The following HHAT variants were observed in gnomAD, a reference collection of about 807,000 sequenced individuals.
HHAT encodes hedgehog acyltransferase.
In HHAT, 47 loss-of-function variants were observed where a neutral mutation model predicts 70.8. That is an observed-to-expected ratio of 0.66 (90% CI 0.53 to 0.85). The LOEUF is 0.85. Among genes scored for constraint, HHAT ranks in the 40% least tolerant of loss-of-function variants. The pLI, the probability that HHAT is intolerant of heterozygous loss-of-function variation, is 0.00. For synonymous variants in HHAT, 228 were observed against 247.6 expected (o/e 0.92, Z 0.74); for missense variants, 609 against 604.8 (o/e 1.01, Z -0.07).
At chr1:210,387,155 A>G (rs373344734) in intron 3 of HHAT, among the ~76,000 whole-genome samples, 2 of 152,306 alleles carry the variant, frequency 1.3e-5, no homozygotes, top group East Asian at 3.9e-4. Context: ...AATAGCATCT[A>G]TACTACAGAG....
At chr1:210,539,382 C>CA (rs537383681) in intron 9 of HHAT, among the ~76,000 whole-genome samples, 2 of 152,212 alleles carry the variant, frequency 1.3e-5, no homozygotes, top group East Asian at 3.9e-4. Flanking sequence ...CTGCCCTGGA[C>CA]AAGCCCTCTT....
chr1:210,525,227 C>T, intron 9 of HHAT, among the ~76,000 whole-genome samples: 1 of 152,054 alleles, frequency 6.6e-6, no homozygotes, highest in Non-Finnish European at 1.5e-5. Context: ...CCTCTTAGGA[C>T]ACAGAGACCC....
At chr1:210,480,190 C>T (rs1363821798) in intron 8 of HHAT, among the ~76,000 whole-genome samples, 1 of 152,242 alleles carries the variant, frequency 6.6e-6, no homozygotes. Flanking sequence ...TAGTCACCCT[C>T]CAGGGATACT....
intron 11 of HHAT, among the ~76,000 whole-genome samples, chr1:210,635,702 T>G (rs1385555052): frequency 6.6e-6 from 1 of 152,232 alleles, no homozygotes; most frequent in African/African-American, 2.4e-5. Context: ...AGGTTTATCC[T>G]TTTTATTTGG....
chr1:210,554,060 A>T (rs926041433), intron 9 of HHAT, among the ~76,000 whole-genome samples: 39 of 152,308 alleles, frequency 2.6e-4, no homozygotes, highest in African/African-American at 9.4e-4. Flanking sequence ...GAGCAAGTGG[A>T]ACCGGGGCTG....
intron 4 of HHAT, among the ~76,000 whole-genome samples, chr1:210,389,554 T>C (rs896437239): frequency 5.9e-5 from 9 of 152,202 alleles, no homozygotes; most frequent in Non-Finnish European, 1.2e-4. Flanking sequence ...AGAGTTCTTA[T>C]GAGATCTCGT....
At chr1:210,414,457 C>A (rs2092657231) in intron 6 of HHAT, among the ~76,000 whole-genome samples, 1 of 152,032 alleles carries the variant, frequency 6.6e-6, no homozygotes, top group African/African-American at 2.4e-5. Flanking sequence ...GAAAATGAAC[C>A]AAGAAGAACT....
At chr1:210,377,876 A>G (rs2090347810) in intron 3 of HHAT, among the ~76,000 whole-genome samples, 1 of 152,214 alleles carries the variant, frequency 6.6e-6, no homozygotes, top group African/African-American at 2.4e-5. Context: ...TGCCCTTGCA[A>G]GCAACTTCAC....
rs778151421 is a variant in HHAT at position 210,674,336 on chromosome 1, C to T, written c.1439C>T (p.Ser480Phe). 29 of 1,614,182 alleles carry T rather than the reference C, an allele frequency of 1.8e-5. No homozygotes were observed. Among genetic ancestry groups the T allele is most frequent in the Non-Finnish European group, 2.5e-5 (29 of 1,180,012 alleles). Residue 480 changes from serine (S) to phenylalanine (F), a missense_variant, in exon 12 of 12, where the codon TCC (serine) becomes TTC (phenylalanine). Ser to Phe is a radical substitution (Grantham distance 155). Transcript: ENST00000261458. ...LSVLGFLYCY[S>F]HVGIAWAQTY... is the part of the protein sequence containing the mutation. Reference sequence around the variant, plus strand: ...GTCCTGGGATTCCTGTACTGCTACTCCCACGTGGGCATTGCCTGGGCCCAG... The same window carrying T: ...GTCCTGGGATTCCTGTACTGCTACTTCCACGTGGGCATTGCCTGGGCCCAG...
chr1:210,469,518 G>C (rs2094163341), intron 8 of HHAT, among the ~76,000 whole-genome samples: 1 of 152,126 alleles, frequency 6.6e-6, no homozygotes, highest in Non-Finnish European at 1.5e-5. Context: ...ATTGTTGTAA[G>C]GGTTAGGTAA....
chr1:210,659,146 G>A (rs957992917), intron 11 of HHAT, among the ~76,000 whole-genome samples: 5 of 152,186 alleles, frequency 3.3e-5, no homozygotes, highest in African/African-American at 1.2e-4. Flanking sequence ...AATGAATCCA[G>A]GAGATGGTTT....
chr1:210,375,808 C>G (rs1233851271), intron 3 of HHAT, among the ~76,000 whole-genome samples: 1 of 150,538 alleles, frequency 6.6e-6, no homozygotes, highest in Non-Finnish European at 1.5e-5. Context: ...AGTCAGTTTT[C>G]TCTCTCTTGT....
intron 9 of HHAT, among the ~76,000 whole-genome samples, chr1:210,560,045 C>T (rs981792139): frequency 3.9e-5 from 6 of 152,108 alleles, no homozygotes; most frequent in African/African-American, 1.5e-4. Context: ...AGTTGGCTGC[C>T]TCTTAGCTCT....
intron 1 of HHAT, 64 bp from the exon 2 acceptor site, chr1:210,348,869 T>G: frequency 6.8e-7 from 1 of 1,479,078 alleles, no homozygotes; most frequent in Non-Finnish European, 9.0e-7. Flanking sequence ...CTAACTGAAT[T>G]GATGTTTAGA....
intron 6 of HHAT, among the ~76,000 whole-genome samples, chr1:210,411,043 A>G (rs905828587): frequency 6.6e-6 from 1 of 152,228 alleles, no homozygotes; most frequent in Non-Finnish European, 1.5e-5. Flanking sequence ...ATTTTTCTTA[A>G]TTACAGATAT....
At chr1:210,374,012 A>G (rs541310618) in intron 3 of HHAT, 2 of 152,244 alleles carry the variant, frequency 1.3e-5, no homozygotes, top group South Asian at 4.1e-4. Context: ...AAGTATTCAG[A>G]CCTTTGACAT....
intron 8 of HHAT, among the ~76,000 whole-genome samples, chr1:210,473,790 G>A (rs2094252195): frequency 6.6e-6 from 1 of 151,940 alleles, no homozygotes; most frequent in Admixed American, 6.5e-5. Context: ...GGTCCTCCTT[G>A]CTAATGAAAA....
intron 11 of HHAT, among the ~76,000 whole-genome samples, chr1:210,633,632 T>A (rs1248127938): frequency 6.6e-6 from 1 of 152,180 alleles, no homozygotes; most frequent in Non-Finnish European, 1.5e-5. Context: ...CTTCTCCTCT[T>A]CTGCCCTTCT....
At chr1:210,489,999 G>T (rs1204967124) in intron 8 of HHAT, among the ~76,000 whole-genome samples, 2 of 152,182 alleles carry the variant, frequency 1.3e-5, no homozygotes, top group African/African-American at 2.4e-5. Flanking sequence ...GCTATTAACT[G>T]CTGAGATATA....
Sources: allele counts gnomAD v4.1 joint callset (sites outside exome capture counted in the v4.1 genomes callset), GRCh38; gene constraint gnomAD v4.1.1; transcripts MANE v1.5; gene names NCBI Gene and HGNC (gene_info 2026-07-23, HGNC 2026-07-21).